Variants in KIF25 observed in about 807,000 individuals in gnomAD.
KIF25 encodes kinesin family member 25, also known as kinesin-like protein KIF25.
Under a neutral mutation model 32.9 loss-of-function variants are expected in KIF25, and 19 were observed. The observed-to-expected ratio is 0.58, with a 90% CI of 0.40 to 0.85. The LOEUF (loss-of-function observed/expected upper bound fraction) is 0.85, where lower values mean the gene tolerates loss of function less well. KIF25 is among the 40% of genes least tolerant of loss of function. The pLI, the probability that KIF25 is intolerant of heterozygous loss-of-function variation, is 0.00. For synonymous variants in KIF25, 225 were observed against 213.7 expected (o/e 1.05, Z -0.46); for missense variants, 485 against 507.0 (o/e 0.96, Z 0.42).
intron 10 of KIF25, among the ~76,000 whole-genome samples, 195 bp downstream of exon 10, chr6:168,040,411 C>G (rs968996096): frequency 6.6e-6 from 1 of 152,070 alleles, no homozygotes; most frequent in East Asian, 1.9e-4. Context: ...ACTAAAAATA[C>G]AAAAATTAGC....
intron 6 of KIF25, among the ~76,000 whole-genome samples, chr6:168,030,368 G>C (rs1020829567): frequency 2.0e-5 from 3 of 151,926 alleles, no homozygotes; most frequent in Admixed American, 2.0e-4. Flanking sequence ...CTCTAAAGTA[G>C]AGCTAATTTA....
At chr6:168,012,796 A>T (rs937194323) in intron 4 of KIF25, among the ~76,000 whole-genome samples, 1 of 151,712 alleles carries the variant, frequency 6.6e-6, no homozygotes, top group Non-Finnish European at 1.5e-5. Context: ...GGCTGGCCTG[A>T]GGGTGTGTTT....
intron 4 of KIF25, among the ~76,000 whole-genome samples, chr6:168,004,646 T>C (rs1391226097): frequency 6.6e-6 from 1 of 152,196 alleles, no homozygotes; most frequent in East Asian, 1.9e-4. Context: ...CCTCAGAGGA[T>C]GCTGGTCAGG....
chr6:168,027,996 G>A (rs1012063692), intron 5 of KIF25, among the ~76,000 whole-genome samples: 4 of 152,046 alleles, frequency 2.6e-5, no homozygotes, highest in Non-Finnish European at 5.9e-5. Flanking sequence ...TTACATGATC[G>A]TAGGTAAAAA....
intron 6 of KIF25, chr6:168,030,430 CCCT>C (rs1317949606): frequency 6.4e-5 from 9 of 139,984 alleles, no homozygotes; most frequent in African/African-American, 2.1e-4. Context: ...CCCTCCCTCC[CCCT>C]CCTCCTCCCT....
chr6:168,033,048 A>C (rs911812938), intron 7 of KIF25, among the ~76,000 whole-genome samples: 1 of 152,206 alleles, frequency 6.6e-6, no homozygotes, highest in African/African-American at 2.4e-5. Flanking sequence ...GGATGTTGGT[A>C]GTTAACTTCT....
intron 4 of KIF25, among the ~76,000 whole-genome samples, chr6:168,009,721 A>G (rs558103522): frequency 6.6e-6 from 1 of 152,152 alleles, no homozygotes; most frequent in African/African-American, 2.4e-5. Flanking sequence ...TCTTCATTAG[A>G]AGACTTTATT....
In KIF25 at chr6:168,039,986, G is replaced by A. The variant is rs961067321; in HGVS notation, c.495-79G>A. ...CGTGGCTCATGTGAGAGGCTTCCCT[G>A]AGCCGAGGAGTCTTGGAAGTCGCCT... On this transcript the variant is annotated intron_variant, in intron 9 of 12. Coordinates refer to ENST00000643607, the MANE Select transcript of KIF25 (RefSeq NM_030615.4). 12 of 1,496,644 alleles carry A rather than the reference G, an allele frequency of 8.0e-6. No homozygotes were observed. In the African/African-American group the frequency reaches 1.5e-4, roughly 19 times the overall value. 92.7% of individuals were successfully genotyped at this position (1,496,644 alleles called of 1,614,324 possible).
chr6:168,032,834 G>A (rs1256884681), intron 7 of KIF25, among the ~76,000 whole-genome samples: 1 of 152,200 alleles, frequency 6.6e-6, no homozygotes, highest in African/African-American at 2.4e-5. Context: ...TCGGACGGGG[G>A]GTCAGGGCCG....
intron 10 of KIF25, among the ~76,000 whole-genome samples, chr6:168,041,010 G>A (rs1369371921): frequency 2.6e-5 from 4 of 152,220 alleles, no homozygotes; most frequent in Non-Finnish European, 5.9e-5. Context: ...CTCAGGTTCA[G>A]CAGGGCTGGG....
rs576041591 is a variant in KIF25, at chr6:168,043,162, C to T, written c.985+446C>T. On this transcript the variant is annotated intron_variant, in intron 12 of 12. Coordinates refer to ENST00000643607, the MANE Select transcript of KIF25 (RefSeq NM_030615.4). The stretch of plus-strand genomic sequence containing the variant: ...GCACCAGTGCCAGGTGGGGCACAGG[C>T]GGCCCCTGTGTGGAGTCATCCAGCT... Among the ~76,000 whole-genome samples the T allele has an allele frequency of 2.3e-4, 35 of 152,268 alleles. No individual in the cohort carries two copies. In the South Asian group the frequency reaches 6.8e-3, roughly 30 times the overall value.
chr6:168,004,756 G>A (rs1404552926), intron 4 of KIF25, among the ~76,000 whole-genome samples: 1 of 152,150 alleles, frequency 6.6e-6, no homozygotes, highest in African/African-American at 2.4e-5. Context: ...GGATCTTCAC[G>A]ACGAGGGTTC....
At chr6:168,029,239 C>T (rs58764379) in intron 5 of KIF25, among the ~76,000 whole-genome samples, 8,318 of 152,178 alleles carry the variant, frequency 0.055, 477 homozygotes, top group African/African-American at 0.14. Context: ...AAAATATTTA[C>T]GATCTAGTTT....
At chr6:168,029,414 G>A in intron 5 of KIF25, 78 bp from the exon 6 acceptor site, 1 of 1,029,810 alleles carries the variant, frequency 9.7e-7, no homozygotes, top group Non-Finnish European at 1.4e-6. Context: ...TTTGGATGGT[G>A]TTAAAGAATA....
At chr6:168,034,708 C>G (rs1798991507) in intron 8 of KIF25, among the ~76,000 whole-genome samples, 1 of 152,202 alleles carries the variant, frequency 6.6e-6, no homozygotes, top group Non-Finnish European at 1.5e-5. Flanking sequence ...CCTCCTGCCG[C>G]CATCAGGAGT....
At chr6:168,027,723 G>T (rs1352363267) in intron 5 of KIF25, among the ~76,000 whole-genome samples, 4 of 152,150 alleles carry the variant, frequency 2.6e-5, no homozygotes, top group African/African-American at 9.7e-5. Flanking sequence ...TCCCCACGGA[G>T]CACGAGGTCA....
Position 168,002,634 on chromosome 6 carries a change from C to T in KIF25, c.-278C>T, listed in dbSNP as rs1224106139. On this transcript the variant is annotated 5_prime_UTR_variant, in exon 3 of 13. Transcript: ENST00000643607. Reference sequence around the variant, plus strand: ...CAGTGGTCCCCAACCTTTTTGGCATCAGGGACCAGCTTCCTGGAAGACCAG... The same window carrying T: ...CAGTGGTCCCCAACCTTTTTGGCATTAGGGACCAGCTTCCTGGAAGACCAG... The T allele has an allele frequency of 6.6e-6, 1 of 152,200 alleles. No individual in the cohort carries two copies. The highest frequency in any genetic ancestry group is 2.4e-5 in the African/African-American group (1 of 41,446). 9.4% of individuals were successfully genotyped at this position (152,200 alleles called of 1,614,324 possible). A position where few individuals can be genotyped will look rare whatever the true frequency, so the allele number is the denominator to read the frequency against.
intron 7 of KIF25, among the ~76,000 whole-genome samples, chr6:168,031,780 C>T (rs936870338): frequency 1.3e-5 from 2 of 152,124 alleles, no homozygotes; most frequent in African/African-American, 2.4e-5. Context: ...CAGGATAATG[C>T]GAAACAGATG....
chr6:168,010,543 CAT>C (rs779952048), intron 4 of KIF25, among the ~76,000 whole-genome samples: 4 of 152,088 alleles, frequency 2.6e-5, no homozygotes, highest in African/African-American at 4.8e-5. Context: ...TGTGTCCTAA[CAT>C]GTGGTCAATC....
Sources: gnomAD v4.1 joint callset for allele counts (sites outside exome capture counted in the v4.1 genomes callset) on GRCh38, gnomAD v4.1.1 for gene constraint, MANE v1.5 for transcripts, NCBI Gene and HGNC (gene_info 2026-07-23, HGNC 2026-07-21) for gene names.